Variants in COA5 observed in about 807,000 individuals in gnomAD.
COA5 encodes the protein cytochrome c oxidase assembly factor 5.
A neutral mutation model predicts 11.8 loss-of-function variants in COA5; 11 were observed. That is an observed-to-expected ratio of 0.93 (90% confidence interval 0.59 to 1.54). COA5 has a LOEUF of 1.54. COA5 is among the 40% of genes most tolerant of loss of function. COA5 has a pLI of 0.00. For missense variants in COA5, 87 were observed against 89.2 expected (o/e 0.97, Z 0.10); for synonymous variants, 38 against 37.5 (o/e 1.01, Z -0.05).
rs922811308 is a variant in COA5, at chr2:98,600,182, C to T, written c.*570G>A. On this transcript the variant is annotated 3_prime_UTR_variant, in exon 3 of 3. Coordinates refer to ENST00000328709, the MANE Select transcript of COA5 (RefSeq NM_001008215.3). ...ATGATGGTAAAGAGCCTGGGCAACA[C>T]AATCTGGGGCCTAGCATCAGCTATG... The T allele has an allele frequency of 6.4e-6, 1 of 155,206 alleles. No homozygotes were observed. Among genetic ancestry groups the T allele is most frequent in the Non-Finnish European group, 1.4e-5 (1 of 69,954 alleles). 9.6% of individuals were successfully genotyped at this position (155,206 alleles called of 1,614,324 possible). A position where few individuals can be genotyped will look rare whatever the true frequency, so the allele number is the denominator to read the frequency against.
intron 1 of COA5, among the ~76,000 whole-genome samples, chr2:98,605,071 AAG>A (rs1421659707): frequency 6.6e-6 from 1 of 152,160 alleles, no homozygotes; most frequent in Non-Finnish European, 1.5e-5. Context: ...CCTTTTTCAA[AAG>A]CTTTCAACCT....
chr2:98,604,463 T>C (rs1700684249), intron 1 of COA5: 3 of 398,410 alleles, frequency 7.5e-6, no homozygotes, highest in Non-Finnish European at 1.4e-5. Context: ...TATATAAAAA[T>C]CTAGAAAGGG....
chr2:98,606,432 TC>T (rs1266446250), intron 1 of COA5, among the ~76,000 whole-genome samples: 2 of 152,216 alleles, frequency 1.3e-5, no homozygotes, highest in African/African-American at 4.8e-5. Flanking sequence ...CATCACGTTT[TC>T]TGGCTGACCA....
At chr2:98,605,785 G>C (rs1233798188) in intron 1 of COA5, 2 of 152,252 alleles carry the variant, frequency 1.3e-5, no homozygotes, top group African/African-American at 4.8e-5. Context: ...TTCTGATGAA[G>C]AGTCAGTGGA....
intron 1 of COA5, among the ~76,000 whole-genome samples, chr2:98,606,613 G>A (rs1700708539): frequency 6.6e-6 from 1 of 152,182 alleles, no homozygotes; most frequent in South Asian, 2.1e-4. Flanking sequence ...GGAGCCTGGC[G>A]CTCCGTACAT....
chr2:98,600,630 G>T lies in COA5; in HGVS notation c.*122C>A, dbSNP rs970811536. 1.3e-5 allele frequency: 10 copies of T among 793,788 alleles called. No homozygotes were observed. Among genetic ancestry groups the T allele is most frequent in the Non-Finnish European group, 2.0e-5 (9 of 460,508 alleles). The allele number at this position is 793,788 out of a possible 1,614,324, so 49.2% of individuals were successfully genotyped here. A position where few individuals can be genotyped will look rare whatever the true frequency, so the allele number is the denominator to read the frequency against. On this transcript the variant is annotated 3_prime_UTR_variant, in exon 3 of 3. Coordinates refer to ENST00000328709, the MANE Select transcript of COA5 (RefSeq NM_001008215.3). Reference sequence around the variant, plus strand: ...TCATCCACTTTCTTCAGTGTTCCACGGAGGGGAAATCTGGTCCAACCAAAC... The same window carrying T: ...TCATCCACTTTCTTCAGTGTTCCACTGAGGGGAAATCTGGTCCAACCAAAC...
rs1004625792 is a variant in COA5, at chr2:98,600,437, A to G, written c.*315T>C. On this transcript the variant is annotated 3_prime_UTR_variant, in exon 3 of 3. Coordinates refer to ENST00000328709, the MANE Select transcript of COA5 (RefSeq NM_001008215.3). ...TGGCCTGTACTAATTGGGTAATTCA[A>G]TTGAAGAGTCAAGTTTGCAAATAAC... 10 of 401,290 alleles carry G rather than the reference A, an allele frequency of 2.5e-5. No individual in the cohort carries two copies. Among genetic ancestry groups the G allele is most frequent in the African/African-American group, 1.2e-4 (6 of 49,234 alleles). 24.9% of individuals were successfully genotyped at this position (401,290 alleles called of 1,614,324 possible).
chr2:98,600,733 T>G lies in COA5; in HGVS notation c.*19A>C. 1 of 1,607,176 alleles carries G rather than the reference T, an allele frequency of 6.2e-7. No individual in the cohort carries two copies. The highest frequency in any genetic ancestry group is 8.5e-7 in the Non-Finnish European group (1 of 1,174,750). On this transcript the variant is annotated 3_prime_UTR_variant, in exon 3 of 3. Transcript: ENST00000328709. ...GGGAAAATATTTGTTGTTTTCCATGTTGGCTTCAACATAATGCATCAATAT... is the reference window on the plus strand; with the variant it reads ...GGGAAAATATTTGTTGTTTTCCATGGTGGCTTCAACATAATGCATCAATAT...
chr2:98,601,326 A>G (rs1187931587), intron 2 of COA5, among the ~76,000 whole-genome samples: 3 of 152,218 alleles, frequency 2.0e-5, no homozygotes, highest in Non-Finnish European at 4.4e-5. Context: ...TTAACTGTTT[A>G]TTTGGACTAT....
At chr2:98,607,515 G>A (rs1700723799) in intron 1 of COA5, among the ~76,000 whole-genome samples, 1 of 152,176 alleles carries the variant, frequency 6.6e-6, no homozygotes, top group Non-Finnish European at 1.5e-5. Context: ...TGTCCATTTG[G>A]GGGTAATCTT....
intron 1 of COA5, among the ~76,000 whole-genome samples, chr2:98,608,051 A>G (rs909015937): frequency 6.6e-6 from 1 of 152,260 alleles, no homozygotes; most frequent in Non-Finnish European, 1.5e-5. Flanking sequence ...CATTCAATAA[A>G]GGCTTCGTGA....
At position 98,608,291 on chromosome 2, in the gene COA5, C is replaced by G. The variant is rs1407208579; in HGVS notation, c.99+16G>C. Reference sequence around the variant, plus strand: ...GGACAGGGGTCGTCACCACCGGGAGCGCCCGGCCGCGCTACCTGGACCACA... The same window carrying G: ...GGACAGGGGTCGTCACCACCGGGAGGGCCCGGCCGCGCTACCTGGACCACA... On this transcript the variant is annotated intron_variant, in intron 1 of 2. Transcript: ENST00000328709. The G allele has an allele frequency of 8.3e-6, 13 of 1,569,922 alleles. No individual in the cohort carries two copies. The highest frequency in any genetic ancestry group is 1.0e-5 in the Non-Finnish European group (12 of 1,156,878).
At chr2:98,606,752 G>A (rs1700710637) in intron 1 of COA5, among the ~76,000 whole-genome samples, 1 of 152,096 alleles carries the variant, frequency 6.6e-6, no homozygotes, top group Admixed American at 6.5e-5. Flanking sequence ...TCATCAACAT[G>A]GCCTTCCGAT....
intron 2 of COA5, among the ~76,000 whole-genome samples, chr2:98,602,918 T>C (rs781663245): frequency 6.6e-6 from 1 of 152,202 alleles, no homozygotes; most frequent in Admixed American, 6.5e-5. Context: ...AAGGTTTGCA[T>C]TTTACATGGG....
chr2:98,604,216 T>C (rs1700681738), intron 1 of COA5, 25 bp from the exon 2 acceptor site: 2 of 1,549,976 alleles, frequency 1.3e-6, no homozygotes, highest in South Asian at 2.2e-5. Flanking sequence ...TAAAACAATA[T>C]AAACACCTTG....
chr2:98,607,595 GC>G (rs1405167801), intron 1 of COA5, among the ~76,000 whole-genome samples: 4 of 152,142 alleles, frequency 2.6e-5, no homozygotes, highest in African/African-American at 9.7e-5. Flanking sequence ...ACAATTGAAT[GC>G]CCTCTCGTCG....
In COA5 at chr2:98,608,129, A is replaced by G. The variant is rs191968961; in HGVS notation, c.99+178T>C. The G allele has an allele frequency of 0.017, 10,523 of 622,246 alleles. 112 individuals carry two copies. The highest frequency in any genetic ancestry group is 0.027 in the Admixed American group (1,019 of 37,434). The allele number at this position is 622,246 out of a possible 1,614,324, so 38.5% of individuals were successfully genotyped here. On this transcript the variant is annotated intron_variant, in intron 1 of 2. Transcript: ENST00000328709. The stretch of plus-strand genomic sequence containing the variant: ...TTATCGTTATCTCCGATTTAACCCC[A>G]CAGGGAACTGGGGCTCCGACAGCTC...
rs1175209084 is a variant in COA5, at chr2:98,599,904, A to AGAT, written c.*845_*847dup. On this transcript the variant is annotated 3_prime_UTR_variant, in exon 3 of 3. Transcript: ENST00000328709. ...AGGAGTTAGCAATGACAGTGCAGAT[A>AGAT]GATAGCCCAGGCCTGGCCAAGATCA... 6.6e-6 allele frequency: 1 copy of AGAT among 152,346 alleles called. No homozygotes were observed. The highest frequency in any genetic ancestry group is 6.5e-5 in the Admixed American group (1 of 15,292). 9.4% of individuals were successfully genotyped at this position (152,346 alleles called of 1,614,324 possible).
chr2:98,600,462 C>G lies in COA5; in HGVS notation c.*290G>C, dbSNP rs1700626588. On this transcript the variant is annotated 3_prime_UTR_variant, in exon 3 of 3. Transcript: ENST00000328709. ...ATTGAAGAGTCAAGTTTGCAAATAA[C>G]AGTCTTTCCATTTTCTGTGCTTTAG... is the stretch of plus-strand genomic sequence containing the variant. 2.3e-6 allele frequency: 1 copy of G among 442,740 alleles called. No homozygotes were observed. The highest frequency in any genetic ancestry group is 3.5e-5 in the Admixed American group (1 of 28,230). The allele number at this position is 442,740 out of a possible 1,614,324, so 27.4% of individuals were successfully genotyped here. A position where few individuals can be genotyped will look rare whatever the true frequency, so the allele number is the denominator to read the frequency against.
Sources: gnomAD v4.1 joint callset for allele counts (sites outside exome capture counted in the v4.1 genomes callset) on GRCh38, gnomAD v4.1.1 for gene constraint, MANE v1.5 for transcripts, NCBI Gene and HGNC (gene_info 2026-07-23, HGNC 2026-07-21) for gene names.